LPO: variants seen among roughly 807,000 people sequenced by gnomAD.
The protein encoded by LPO is lactoperoxidase.
A neutral mutation model predicts 68.4 loss-of-function variants in LPO; 70 were observed. The observed-to-expected ratio is 1.02, with a 90% CI of 0.84 to 1.25. The LOEUF (loss-of-function observed/expected upper bound fraction) is 1.25. Among genes scored for constraint, LPO ranks in the 50% most tolerant of loss-of-function variants. The pLI, the probability that LPO is intolerant of heterozygous loss-of-function variation, is 0.00. For synonymous variants in LPO, 360 were observed against 357.6 expected (o/e 1.01, Z -0.08); for missense variants, 873 against 908.4 (o/e 0.96, Z 0.50).
intron 9 of LPO, among the ~76,000 whole-genome samples, chr17:58,258,086 G>T (rs1216261977): frequency 6.6e-6 from 1 of 152,114 alleles, no homozygotes. Context: ...CTCCCATTCC[G>T]TGGGTTATCT....
rs531238609 is a variant in LPO, at chr17:58,254,945, C to T, written c.1240C>T (p.Arg414Trp). Residue 414 changes from arginine (R) to tryptophan (W), a missense_variant, in exon 9 of 13, where the codon CGG (arginine) becomes TGG (tryptophan). Coordinates refer to ENST00000262290, the MANE Select transcript of LPO (RefSeq NM_006151.3). ...WDGEKLYQEA[R>W]KILGAFVQII... ...TGGAGAGAAGCTCTACCAGGAAGCC[C>T]GGAAAATCCTGGGAGCCTTCGTGCA... 6.8e-6 allele frequency: 11 copies of T among 1,614,050 alleles called. No individual in the cohort carries two copies. The East Asian group carries it at 8.9e-5, about 13-fold the overall frequency.
chr17:58,265,889 A>G (rs763268648), intron 10 of LPO, among the ~76,000 whole-genome samples: 14 of 151,898 alleles, frequency 9.2e-5, no homozygotes, highest in Non-Finnish European at 1.9e-4. Flanking sequence ...ATGGCCAAAA[A>G]ATATCTCAAT....
chr17:58,261,805 C>T lies in LPO; in HGVS notation c.1267-2917C>T, dbSNP rs111332813. ...TTGTATAATTTTCTTAGTGGTTGTT[C>T]TCCGGATAGATAGGTAGATAGATAT... On this transcript the variant is annotated intron_variant, in intron 9 of 12. Coordinates refer to ENST00000262290, the MANE Select transcript of LPO (RefSeq NM_006151.3). Among the ~76,000 whole-genome samples, 765 of 152,018 alleles carry T rather than the reference C, an allele frequency of 5.0e-3. 9 individuals carry two copies. The highest frequency in any genetic ancestry group is 0.018 in the African/African-American group (735 of 41,464).
At chr17:58,260,890 C>G (rs1293654323) in intron 9 of LPO, among the ~76,000 whole-genome samples, 1 of 152,022 alleles carries the variant, frequency 6.6e-6, no homozygotes, top group African/African-American at 2.4e-5. Context: ...CATCTTTAAC[C>G]TATGTATAAT....
intron 7 of LPO, chr17:58,250,851 A>C (rs1969947229): frequency 1.8e-6 from 1 of 559,622 alleles, no homozygotes. Flanking sequence ...TGAACAGGAC[A>C]CCGCTCCTGC....
chr17:58,249,192 G>C lies in LPO; in HGVS notation c.443+15G>C. 1 of 1,607,002 alleles carries C rather than the reference G, an allele frequency of 6.2e-7. No individual in the cohort carries two copies. Among genetic ancestry groups the C allele is most frequent in the Non-Finnish European group, 8.5e-7 (1 of 1,174,222 alleles). ...TGCAATAACAGGTGGCGGGGCTTGGGGTGTGGGGGCCGACCATTCCAGCCA... is the reference window on the plus strand; with the variant it reads ...TGCAATAACAGGTGGCGGGGCTTGGCGTGTGGGGGCCGACCATTCCAGCCA... On this transcript the variant is annotated intron_variant, in intron 5 of 12. Coordinates refer to ENST00000262290, the MANE Select transcript of LPO (RefSeq NM_006151.3).
chr17:58,247,319 A>T (rs1969869384), intron 3 of LPO, among the ~76,000 whole-genome samples, 159 bp from the exon 4 acceptor site: 1 of 152,126 alleles, frequency 6.6e-6, no homozygotes, highest in Non-Finnish European at 1.5e-5. Flanking sequence ...AATGAGTTTC[A>T]ATTTAAATAG....
chr17:58,256,780 TCA>T (rs1970081109), intron 9 of LPO, among the ~76,000 whole-genome samples: 1 of 142,260 alleles, frequency 7.0e-6, no homozygotes, highest in Non-Finnish European at 1.5e-5. Flanking sequence ...TGAGCCAGGA[TCA>T]CACCACTGCA....
chr17:58,252,549 T>C (rs1969982313), intron 8 of LPO, 43 bp downstream of exon 8: 1 of 1,570,164 alleles, frequency 6.4e-7, no homozygotes, highest in East Asian at 2.3e-5. Context: ...GACAAGGGGA[T>C]TATCCAGGGA....
intron 1 of LPO, chr17:58,242,759 C>G (rs1201456172): frequency 2.0e-6 from 1 of 495,712 alleles, no homozygotes; most frequent in African/African-American, 2.0e-5. Context: ...AGCCTGAGTT[C>G]TTTCCCTTCC....
chr17:58,256,708 G>A (rs1970079313), intron 9 of LPO, among the ~76,000 whole-genome samples: 1 of 151,832 alleles, frequency 6.6e-6, no homozygotes, highest in Non-Finnish European at 1.5e-5. Flanking sequence ...CAGCTACTCG[G>A]GAGGATGAGG....
intron 11 of LPO, among the ~76,000 whole-genome samples, chr17:58,266,937 A>C (rs1341417529): frequency 6.6e-6 from 1 of 152,248 alleles, no homozygotes; most frequent in Non-Finnish European, 1.5e-5. Flanking sequence ...AATAGAGAGA[A>C]ACCAATGACT....
Position 58,254,901 on chromosome 17 carries a change from G to A in LPO, c.1196G>A (p.Arg399Lys). 1 of 1,614,142 alleles carries A rather than the reference G, an allele frequency of 6.2e-7. No homozygotes were observed. Among genetic ancestry groups the A allele is most frequent in the Non-Finnish European group, 8.5e-7 (1 of 1,180,018 alleles). ...EHNRLARELK[R>K]LNPQWDGEKL... is the part of the protein sequence containing the mutation. Reference sequence around the variant, plus strand: ...AACCGGCTGGCCAGAGAACTAAAGAGACTCAACCCTCAGTGGGATGGAGAG... The same window carrying A: ...AACCGGCTGGCCAGAGAACTAAAGAAACTCAACCCTCAGTGGGATGGAGAG... Residue 399 changes from arginine (R) to lysine (K), a missense_variant, in exon 9 of 13, where the codon AGA becomes AAA. Physicochemically the swap from Arg to Lys is conservative, Grantham distance 26. Coordinates refer to ENST00000262290, the MANE Select transcript of LPO (RefSeq NM_006151.3).
intron 9 of LPO, among the ~76,000 whole-genome samples, chr17:58,257,486 T>C (rs576921091): frequency 3.9e-5 from 6 of 152,266 alleles, no homozygotes; most frequent in Non-Finnish European, 8.8e-5. Flanking sequence ...TTCTTTTTTA[T>C]GGCTGAATAG....
chr17:58,260,836 T>C (rs1970162454), intron 9 of LPO, among the ~76,000 whole-genome samples: 1 of 152,254 alleles, frequency 6.6e-6, no homozygotes, highest in African/African-American at 2.4e-5. Flanking sequence ...TATTGTGTTT[T>C]TATTTTCATT....
Position 58,254,917 on chromosome 17 carries a change from G to T in LPO, c.1212G>T (p.Trp404Cys). 1 of 1,614,086 alleles carries T rather than the reference G, an allele frequency of 6.2e-7. No individual in the cohort carries two copies. Among genetic ancestry groups the T allele is most frequent in the Non-Finnish European group, 8.5e-7 (1 of 1,180,000 alleles). Reference protein sequence around the residue: ...ARELKRLNPQWDGEKLYQEAR... With the variant: ...ARELKRLNPQCDGEKLYQEAR... ...AACTAAAGAGACTCAACCCTCAGTG[G>T]GATGGAGAGAAGCTCTACCAGGAAG... The change falls in exon 9 of 13, where the codon TGG (tryptophan) becomes TGT (cysteine). Residue 404 changes from tryptophan (W) to cysteine (C), a missense_variant. By Grantham distance (215) the Trp-to-Cys change is radical (BLOSUM62 -2). Transcript: ENST00000262290.
chr17:58,250,316 A>G, intron 6 of LPO, 99 bp from the exon 7 acceptor site: 1 of 926,204 alleles, frequency 1.1e-6, no homozygotes, highest in Non-Finnish European at 1.8e-6. Context: ...GATTAAGTGC[A>G]CTTGTAACAT....
intron 7 of LPO, chr17:58,251,906 G>A: frequency 1.4e-6 from 1 of 694,958 alleles, no homozygotes; most frequent in Non-Finnish European, 2.7e-6. Context: ...TGTCCAGGGA[G>A]CTCAATACTC....
Position 58,267,796 on chromosome 17 carries a change from G to A in LPO, c.1941G>A (p.Trp647Ter). ...QQIRDGDRFW[W>*]ENPGVFTNEQ... ...ACTTCTGTCTCTGCAGGTTCTGGTGGGAAAACCCTGGGGTCTTCACGAACG... is the reference window on the plus strand; with the variant it reads ...ACTTCTGTCTCTGCAGGTTCTGGTGAGAAAACCCTGGGGTCTTCACGAACG... Residue 647 changes from tryptophan to a stop codon, truncating the protein, a stop_gained, in exon 13 of 13, where the codon TGG becomes TGA. Transcript: ENST00000262290. LOFTEE classifies it low-confidence loss of function (END_TRUNC). 6.2e-7 allele frequency: 1 copy of A among 1,614,006 alleles called. No homozygotes were observed. Among genetic ancestry groups the A allele is most frequent in the Non-Finnish European group, 8.5e-7 (1 of 1,179,942 alleles).
Sources: gnomAD v4.1 joint callset for allele counts (sites outside exome capture counted in the v4.1 genomes callset) on GRCh38, gnomAD v4.1.1 for gene constraint, MANE v1.5 for transcripts, NCBI Gene and HGNC (gene_info 2026-07-23, HGNC 2026-07-21) for gene names.